Variants in ME3 observed in about 807,000 individuals in gnomAD.
ME3 encodes the protein malic enzyme 3, also known as NADP-dependent malic enzyme, mitochondrial.
ME3 carries 48 observed loss-of-function variants against 68.9 expected under a neutral mutation model. The ratio of observed to expected loss-of-function variants is 0.70; its 90% CI spans 0.55 to 0.89. The LOEUF is 0.89. Among genes scored for constraint, ME3 ranks in the 40% least tolerant of loss-of-function variants. ME3 has a pLI of 0.00. For synonymous variants in ME3, 320 were observed against 318.8 expected (o/e 1.00, Z -0.04); for missense variants, 675 against 797.4 (o/e 0.85, Z 1.85).
intron 6 of ME3, among the ~76,000 whole-genome samples, chr11:86,492,576 C>G (rs1195991926): frequency 1.3e-5 from 2 of 152,182 alleles, no homozygotes; most frequent in Non-Finnish European, 2.9e-5. Flanking sequence ...AATCTTTCCC[C>G]TCTGTTAGAT....
intron 2 of ME3, among the ~76,000 whole-genome samples, chr11:86,658,006 C>T (rs1017587366): frequency 3.9e-5 from 6 of 152,110 alleles, no homozygotes; most frequent in Non-Finnish European, 8.8e-5. Context: ...GTTGGCAACC[C>T]TCAGCATCTT....
chr11:86,608,889 A>G (rs7948981), intron 2 of ME3, among the ~76,000 whole-genome samples: 60,616 of 151,940 alleles, frequency 0.4, 12,728 homozygotes, highest in East Asian at 0.71. Flanking sequence ...TCCCAGATAT[A>G]CTTACTTCTA....
At chr11:86,614,278 C>G (rs1942799129) in intron 2 of ME3, among the ~76,000 whole-genome samples, 1 of 152,162 alleles carries the variant, frequency 6.6e-6, no homozygotes, top group African/African-American at 2.4e-5. Flanking sequence ...CTGGCTGATT[C>G]CAAAGACTAT....
intron 7 of ME3, among the ~76,000 whole-genome samples, chr11:86,477,266 G>A (rs1032979407): frequency 6.6e-6 from 1 of 152,200 alleles, no homozygotes; most frequent in Non-Finnish European, 1.5e-5. Context: ...TTTAACAATT[G>A]CAGTTAGTGG....
chr11:86,604,439 C>A (rs527601510), intron 2 of ME3, among the ~76,000 whole-genome samples: 1 of 151,942 alleles, frequency 6.6e-6, no homozygotes, highest in African/African-American at 2.4e-5. Flanking sequence ...AGGGTTGTCT[C>A]TTACAAGAAA....
chr11:86,502,270 T>A (rs1952776214), intron 5 of ME3, among the ~76,000 whole-genome samples: 2 of 152,238 alleles, frequency 1.3e-5, no homozygotes, highest in African/African-American at 4.8e-5. Context: ...TTCTGAATTT[T>A]ATCACTTCCT....
At chr11:86,617,024 C>G (rs59587951) in intron 2 of ME3, among the ~76,000 whole-genome samples, 3 of 114,742 alleles carry the variant, frequency 2.6e-5, no homozygotes, top group Non-Finnish European at 5.2e-5. Flanking sequence ...TTCTGTACAT[C>G]TAAAATACTC....
intron 2 of ME3, among the ~76,000 whole-genome samples, chr11:86,598,748 C>T (rs188269103): frequency 6.6e-6 from 1 of 152,310 alleles, no homozygotes; most frequent in East Asian, 1.9e-4. Flanking sequence ...TCCTCTGAGA[C>T]AAAACTTCCA....
At chr11:86,636,291 C>A (rs1480450583) in intron 2 of ME3, among the ~76,000 whole-genome samples, 2 of 150,464 alleles carry the variant, frequency 1.3e-5, no homozygotes, top group Non-Finnish European at 3.0e-5. Flanking sequence ...TTGTTTTAAT[C>A]TATATGAGAC....
At chr11:86,592,012 A>G (rs1959092158) in intron 2 of ME3, among the ~76,000 whole-genome samples, 1 of 152,188 alleles carries the variant, frequency 6.6e-6, no homozygotes, top group African/African-American at 2.4e-5. Context: ...TGGGAGCCTG[A>G]GCAAACTAAT....
chr11:86,530,125 C>T (rs1955093174), intron 4 of ME3, among the ~76,000 whole-genome samples: 1 of 152,202 alleles, frequency 6.6e-6, no homozygotes, highest in Non-Finnish European at 1.5e-5. Flanking sequence ...CCCAAAATCT[C>T]CTTAAGCTGA....
intron 7 of ME3, among the ~76,000 whole-genome samples, chr11:86,470,139 C>G (rs987996438): frequency 2.6e-5 from 4 of 152,182 alleles, no homozygotes. Flanking sequence ...TTCCATAGGT[C>G]AGGACCTGCC....
Position 86,621,546 on chromosome 11 carries a change from CTTTCT to C in ME3, c.183+50211_183+50215del, listed in dbSNP as rs1943350920. Among the ~76,000 whole-genome samples, 5 of 152,138 alleles carry C rather than the reference CTTTCT, an allele frequency of 3.3e-5. 1 individual carries two copies. In the South Asian group the frequency reaches 1.0e-3, roughly 32 times the overall value. On this transcript the variant is annotated intron_variant, in intron 2 of 14. Coordinates refer to ENST00000543262, the Ensembl canonical transcript of ME3. ...TTTTTTCTAAAGTTAAATCAGGAGTCTTTCTTTTCTTTCTCTCCTTCCATTCTTTT... is the reference window on the plus strand; with the variant it reads ...TTTTTTCTAAAGTTAAATCAGGAGTCTTTCTTTCTCTCCTTCCATTCTTTT...
intron 2 of ME3, among the ~76,000 whole-genome samples, chr11:86,625,732 T>A (rs1207991672): frequency 1.3e-5 from 2 of 152,166 alleles, no homozygotes; most frequent in Non-Finnish European, 2.9e-5. Context: ...AATTCACAAA[T>A]TAATGTAAAA....
At chr11:86,438,230 T>G (rs1002954124), downstream of ME3, among the ~76,000 whole-genome samples, 2 of 152,186 alleles carry the variant, frequency 1.3e-5, no homozygotes, top group African/African-American at 4.8e-5. Context: ...TCTATTGGCA[T>G]GATCATATGA....
chr11:86,495,831 A>G (rs1952290847), intron 6 of ME3, among the ~76,000 whole-genome samples: 1 of 152,186 alleles, frequency 6.6e-6, no homozygotes, highest in African/African-American at 2.4e-5. Context: ...TAGTCTCTCA[A>G]TATACTGAAA....
intron 2 of ME3, among the ~76,000 whole-genome samples, chr11:86,585,541 CAGG>C (rs1434492281): frequency 6.6e-6 from 1 of 152,108 alleles, no homozygotes; most frequent in Non-Finnish European, 1.5e-5. Flanking sequence ...TGATGAAGAC[CAGG>C]ACTGGTTTTG....
intron 2 of ME3, among the ~76,000 whole-genome samples, chr11:86,651,596 A>G (rs1468212480): frequency 6.6e-6 from 1 of 152,252 alleles, no homozygotes; most frequent in Non-Finnish European, 1.5e-5. Context: ...CCATCTGTAC[A>G]TCACCATCAT....
At chr11:86,657,879 G>T (rs1047433181) in intron 2 of ME3, among the ~76,000 whole-genome samples, 2 of 152,182 alleles carry the variant, frequency 1.3e-5, no homozygotes, top group African/African-American at 4.8e-5. Flanking sequence ...AAGATAGCAG[G>T]TGCTCAGTAA....
Sources: gnomAD v4.1 joint callset for allele counts (sites outside exome capture counted in the v4.1 genomes callset) on GRCh38, gnomAD v4.1.1 for gene constraint, MANE v1.5 for transcripts, NCBI Gene and HGNC (gene_info 2026-07-23, HGNC 2026-07-21) for gene names.